Variants in GPHN observed in about 807,000 individuals in gnomAD.
The protein encoded by GPHN is gephyrin.
Under a neutral mutation model 95.5 loss-of-function variants are expected in GPHN, and 17 were observed. The observed-to-expected ratio is 0.18, with a 90% confidence interval of 0.12 to 0.27. The LOEUF (loss-of-function observed/expected upper bound fraction) is 0.27, where lower values mean the gene tolerates loss of function less well. Among genes scored for constraint, GPHN ranks in the 10% least tolerant of loss-of-function variants. The pLI is 1.00. For missense variants in GPHN, 660 were observed against 978.1 expected (o/e 0.67, Z 4.34); for synonymous variants, 320 against 322.5 (o/e 0.99, Z 0.08).
At position 67,050,476 on chromosome 14, in the gene GPHN, CAT is replaced by C. The variant is rs540660978; in HGVS notation, c.1007-8171_1007-8170del. Among the ~76,000 whole-genome samples the C allele has an allele frequency of 2.8e-4, 42 of 152,246 alleles. No homozygotes were observed. In the East Asian group the frequency reaches 7.7e-3, roughly 28 times the overall value. On this transcript the variant is annotated intron_variant, in intron 10 of 22. Transcript: ENST00000478722. Reference sequence around the variant, plus strand: ...ACAGAGAATACAAAGATTAATAAGACATAGGCTCTGTCTTCAATGAGTTTACC... The same window carrying C: ...ACAGAGAATACAAAGATTAATAAGACAGGCTCTGTCTTCAATGAGTTTACC...
chr14:67,401,622 G>T, the GPHN span, among the ~76,000 whole-genome samples: 2 of 152,142 alleles, frequency 1.3e-5, no homozygotes, highest in Non-Finnish European at 2.9e-5. Flanking sequence ...GCAAGCCAAG[G>T]AGAGAGAGGT....
chr14:66,949,406 A>G (rs1046509989), intron 8 of GPHN, among the ~76,000 whole-genome samples: 1 of 152,116 alleles, frequency 6.6e-6, no homozygotes, highest in African/African-American at 2.4e-5. Flanking sequence ...CCTGTAATCA[A>G]TCATTATTGT....
chr14:67,204,145 A>G, the GPHN span, among the ~76,000 whole-genome samples: 4 of 152,172 alleles, frequency 2.6e-5, no homozygotes, highest in East Asian at 5.8e-4. Context: ...ACTATAAAAT[A>G]TAAGAAAGAG....
At chr14:66,771,244 T>A (rs965528954) in intron 2 of GPHN, among the ~76,000 whole-genome samples, 9 of 152,232 alleles carry the variant, frequency 5.9e-5, no homozygotes, top group African/African-American at 2.2e-4. Context: ...GGACCTCCAA[T>A]TCTTTTTGAT....
intron 1 of GPHN, among the ~76,000 whole-genome samples, chr14:66,661,926 G>T (rs2065682489): frequency 6.6e-6 from 1 of 152,146 alleles, no homozygotes; most frequent in Non-Finnish European, 1.5e-5. Context: ...TCCTTAAGCA[G>T]TCCCCGATCT....
the GPHN span, among the ~76,000 whole-genome samples, chr14:67,280,853 T>TTCCCTCCCTCCCTCCCTCCCTCCC: frequency 1.3e-5 from 1 of 77,610 alleles, no homozygotes; most frequent in African/African-American, 1.0e-4. Flanking sequence ...CCTTCCTTCC[T>TTCCCTCCCTCCCTCCCTCCCTCCC]TCCCTCCCTC....
intron 2 of GPHN, among the ~76,000 whole-genome samples, chr14:66,718,222 G>C (rs1431166373): frequency 6.6e-6 from 1 of 152,096 alleles, no homozygotes; most frequent in East Asian, 1.9e-4. Context: ...GGTGTGTCTG[G>C]AGTTTGTTCC....
chr14:67,138,946 G>A (rs191372683), intron 17 of GPHN, among the ~76,000 whole-genome samples: 1 of 142,938 alleles, frequency 7.0e-6, no homozygotes, highest in African/African-American at 2.7e-5. Flanking sequence ...TCTAGGGCCA[G>A]GCACGGTGGC....
chr14:66,796,163 C>T (rs951420187), intron 3 of GPHN, among the ~76,000 whole-genome samples: 1 of 152,082 alleles, frequency 6.6e-6, no homozygotes, highest in Non-Finnish European at 1.5e-5. Flanking sequence ...ATGACTGAAT[C>T]TCATTCTTTT....
chr14:66,541,523 T>C (rs534818557), intron 1 of GPHN, among the ~76,000 whole-genome samples: 1 of 152,218 alleles, frequency 6.6e-6, no homozygotes, highest in Non-Finnish European at 1.5e-5. Flanking sequence ...TAAGTTTATA[T>C]AGTCATTTAT....
the GPHN span, among the ~76,000 whole-genome samples, chr14:67,232,188 A>C: frequency 6.6e-6 from 1 of 152,062 alleles, no homozygotes; most frequent in Non-Finnish European, 1.5e-5. Context: ...CTAGGTCATA[A>C]AACAGCCCAT....
chr14:67,721,222 C>A, the GPHN span, among the ~76,000 whole-genome samples: 1 of 152,138 alleles, frequency 6.6e-6, no homozygotes, highest in Non-Finnish European at 1.5e-5. Flanking sequence ...TGTCCCAGCT[C>A]CTTGTCTATT....
At chr14:66,864,445 C>G (rs1026582412) in intron 4 of GPHN, among the ~76,000 whole-genome samples, 1 of 152,094 alleles carries the variant, frequency 6.6e-6, no homozygotes, top group African/African-American at 2.4e-5. Flanking sequence ...ACCATATGAT[C>G]CAGCATTCCC....
chr14:67,563,195 G>A, the GPHN span, among the ~76,000 whole-genome samples: 2 of 152,184 alleles, frequency 1.3e-5, no homozygotes, highest in African/African-American at 4.8e-5. Flanking sequence ...CAGGTGGTCT[G>A]GTATGATGGT....
chr14:66,597,054 A>G (rs1160969038), intron 1 of GPHN, among the ~76,000 whole-genome samples: 2 of 152,154 alleles, frequency 1.3e-5, no homozygotes. Context: ...GACAGGGGGC[A>G]TTGTTTATGG....
chr14:67,668,056 C>T, the GPHN span, among the ~76,000 whole-genome samples: 1 of 152,138 alleles, frequency 6.6e-6, no homozygotes, highest in African/African-American at 2.4e-5. Context: ...TCCATAGTGA[C>T]TATTTTTTCT....
intron 2 of GPHN, among the ~76,000 whole-genome samples, chr14:66,735,146 GCACCAGGGTACC>G (rs2072140814): frequency 6.6e-6 from 1 of 152,126 alleles, no homozygotes; most frequent in African/African-American, 2.4e-5. Flanking sequence ...CCCAAACTGT[GCACCAGGGTACC>G]CCAGACTGCC....
At chr14:67,108,197 A>G (rs945224216) in intron 13 of GPHN, among the ~76,000 whole-genome samples, 1 of 152,208 alleles carries the variant, frequency 6.6e-6, no homozygotes, top group Non-Finnish European at 1.5e-5. Context: ...GGGAAGATTC[A>G]TATCTGTGGG....
At chr14:66,809,478 C>T (rs1450541405) in intron 3 of GPHN, among the ~76,000 whole-genome samples, 1 of 152,130 alleles carries the variant, frequency 6.6e-6, no homozygotes, top group Non-Finnish European at 1.5e-5. Flanking sequence ...TTCAAATAGA[C>T]TTCAGAAACA....
Sources: allele counts gnomAD v4.1 joint callset (sites outside exome capture counted in the v4.1 genomes callset), GRCh38; gene constraint gnomAD v4.1.1; transcripts MANE v1.5; gene names NCBI Gene and HGNC (gene_info 2026-07-23, HGNC 2026-07-21).